CEP95: variants seen among roughly 807,000 people sequenced by gnomAD.
The protein encoded by CEP95 is centrosomal protein of 95 kDa.
In CEP95, 98 loss-of-function variants were observed where a neutral mutation model predicts 111.2. That is an observed-to-expected ratio of 0.88 (90% confidence interval 0.75 to 1.04). CEP95 has a LOEUF of 1.04. Ranked by LOEUF, CEP95 falls within the 50% of genes least tolerant of loss-of-function variation. The pLI, the probability that CEP95 is intolerant of heterozygous loss-of-function variation, is 0.00. For synonymous variants in CEP95, 323 were observed against 327.1 expected, an observed-to-expected ratio of 0.99 and a Z score of 0.14; for missense variants, 1,027 against 977.2, an observed-to-expected ratio of 1.05 and a Z score of -0.68.
At chr17:64,520,248 CATT>C (rs148381468) in intron 6 of CEP95, among the ~76,000 whole-genome samples, 1,906 of 152,110 alleles carry the variant, frequency 0.013, 42 homozygotes, top group African/African-American at 0.043. Context: ...CTTATTTTAA[CATT>C]ATAAGTAGAG....
chr17:64,516,954 A>G (rs538979238), intron 5 of CEP95, 126 bp downstream of exon 5: 4 of 571,644 alleles, frequency 7.0e-6, no homozygotes, highest in Admixed American at 6.5e-5. Context: ...CTAACTTCTC[A>G]TATTTTAAAC....
chr17:64,506,835 C>CT, upstream of CEP95: 1 of 599,744 alleles, frequency 1.7e-6, no homozygotes, highest in Non-Finnish European at 3.0e-6. Context: ...TCTGATAATC[C>CT]TTTGACGGGT....
rs374766116 is a variant in CEP95 at position 64,536,701 on chromosome 17, C to T, written c.2170C>T (p.Arg724Cys). Residue 724 changes from arginine to cysteine, a missense_variant, in exon 18 of 20, where the codon CGC becomes TGC. Physicochemically the swap from Arg to Cys is radical, Grantham distance 180 (BLOSUM62 -3). Coordinates refer to ENST00000556440, the MANE Select transcript of CEP95 (RefSeq NM_138363.3). Reference protein sequence around the residue: ...AKEKRDEQRRRHQDELDSMEN... With the variant: ...AKEKRDEQRRCHQDELDSMEN... ...AGAAAAGCGAGATGAACAAAGGAGA[C>T]GCCACCAGGATGAACTGGACTCCAT... The T allele has an allele frequency of 3.2e-5, 51 of 1,612,766 alleles. No homozygotes were observed. The highest frequency in any genetic ancestry group is 1.7e-4 in the Middle Eastern group (1 of 6,052).
At chr17:64,514,019 C>T (rs1223199935) in intron 3 of CEP95, among the ~76,000 whole-genome samples, 2 of 152,102 alleles carry the variant, frequency 1.3e-5, no homozygotes, top group East Asian at 3.9e-4. Flanking sequence ...TAAAGCTTCC[C>T]CCTTTTTTTC....
In CEP95 at chr17:64,529,530, T is replaced by G. The variant is rs561006194; in HGVS notation, c.1446+103T>G. 305 of 1,210,894 alleles carry G rather than the reference T, an allele frequency of 2.5e-4. No individual in the cohort carries two copies. In the South Asian group the frequency reaches 4.2e-3, roughly 17 times the overall value. 75.0% of individuals were successfully genotyped at this position (1,210,894 alleles called of 1,614,324 possible). On this transcript the variant is annotated intron_variant, in intron 12 of 19. Coordinates refer to ENST00000556440, the MANE Select transcript of CEP95 (RefSeq NM_138363.3). The stretch of plus-strand genomic sequence containing the variant: ...CTGTTGATTTAGGCTTAAAATACAT[T>G]TAATATTCTTGAGCGGAGTGGATGA...
intron 13 of CEP95, 123 bp downstream of exon 13, chr17:64,531,141 C>T: frequency 1.9e-6 from 1 of 520,640 alleles, no homozygotes; most frequent in Non-Finnish European, 3.3e-6. Flanking sequence ...TAGGAAAAGG[C>T]AGGATTTCAT....
Position 64,527,155 on chromosome 17 carries a change from C to A in CEP95, c.1197C>A (p.Asp399Glu), listed in dbSNP as rs1555679272. The A allele has an allele frequency of 6.2e-7, 1 of 1,612,822 alleles. No homozygotes were observed. Among genetic ancestry groups the A allele is most frequent in the Admixed American group, 1.7e-5 (1 of 59,956 alleles). ...GTGATCGGATTAAAGAAAAGACTGA[C>A]CATAAAGAAGAAAATACTGGAAATG... ...ALGDRIKEKT[D>E]HKEENTGNEE... The change falls in exon 11 of 20, where the codon GAC becomes GAA. Residue 399 changes from aspartate (D) to glutamate (E), a missense_variant. Physicochemically the swap from Asp to Glu is conservative, Grantham distance 45. Coordinates refer to ENST00000556440, the MANE Select transcript of CEP95 (RefSeq NM_138363.3).
chr17:64,508,412 A>G (rs1261772091), intron 1 of CEP95, 180 bp from the exon 2 acceptor site: 3 of 983,976 alleles, frequency 3.0e-6, no homozygotes, highest in African/African-American at 1.7e-5. Flanking sequence ...GAAATTAAAT[A>G]CATCTTTTTA....
At chr17:64,528,848 C>T (rs1555679671) in intron 11 of CEP95, among the ~76,000 whole-genome samples, 1 of 152,152 alleles carries the variant, frequency 6.6e-6, no homozygotes. Context: ...AAATTGAGAC[C>T]ACTTAGACAA....
rs1555681140 is a variant in CEP95 at position 64,534,650 on chromosome 17, G to A, written c.1983G>A (p.Gln661=). ...LTQSKIKENR[Q]QIVRARKYYD... The stretch of plus-strand genomic sequence containing the variant: ...AATCAAAGATAAAAGAAAATCGACA[G>A]CAAATCGTTCGTGCTCGAAAATATT... The change falls in exon 17 of 20, where the codon CAG becomes CAA. Residue 661 remains glutamine, a synonymous_variant. Transcript: ENST00000556440. The A allele has an allele frequency of 1.2e-6, 2 of 1,613,824 alleles. No homozygotes were observed. Among genetic ancestry groups the A allele is most frequent in the East Asian group, 4.5e-5 (2 of 44,864 alleles).
intron 4 of CEP95, chr17:64,515,817 C>T (rs2039109648): frequency 6.6e-6 from 1 of 152,180 alleles, no homozygotes; most frequent in African/African-American, 2.4e-5. Flanking sequence ...TTTATTATCA[C>T]TAATCATATC....
At chr17:64,535,587 G>C (rs1968594832) in intron 17 of CEP95, 1 of 152,196 alleles carries the variant, frequency 6.6e-6, no homozygotes, top group Non-Finnish European at 1.5e-5. Flanking sequence ...ATACGACTCA[G>C]AACCACAGTT....
rs1317403063 is a variant in CEP95 at position 64,537,705 on chromosome 17, G to A, written c.2392G>A (p.Glu798Lys). 1.9e-6 allele frequency: 3 copies of A among 1,612,966 alleles called. No homozygotes were observed. The highest frequency in any genetic ancestry group is 2.5e-6 in the Non-Finnish European group (3 of 1,179,522). The change falls in exon 20 of 20, where the codon GAA becomes AAA. Residue 798 changes from glutamate to lysine, a missense_variant. Transcript: ENST00000556440. The part of the protein sequence containing the change: ...TQNDDDVFFR[E>K]LEAERFRSRL... ...GAATGATGATGATGTTTTCTTCCGG[G>A]AACTGGAAGCTGAGCGCTTCAGATC...
intron 3 of CEP95, among the ~76,000 whole-genome samples, chr17:64,510,792 C>G (rs1014212850): frequency 6.6e-6 from 1 of 152,226 alleles, no homozygotes; most frequent in Non-Finnish European, 1.5e-5. Flanking sequence ...CTCAGCTGAT[C>G]CACCTGGCTC....
At chr17:64,507,358 T>C (rs1555673289) in intron 1 of CEP95, 1 of 1,417,308 alleles carries the variant, frequency 7.1e-7, no homozygotes, top group Admixed American at 3.0e-5. Context: ...GGTAGGACAC[T>C]TGGGTCCTGG....
intron 5 of CEP95, among the ~76,000 whole-genome samples, chr17:64,518,303 T>A (rs549997462): frequency 4.1e-4 from 62 of 152,360 alleles, no homozygotes; most frequent in Admixed American, 2.5e-3. Context: ...AAAAACGTGA[T>A]ACTTAATGTT....
chr17:64,532,564 G>A, intron 14 of CEP95: 1 of 1,218,830 alleles, frequency 8.2e-7, no homozygotes, highest in Non-Finnish European at 1.0e-6. Context: ...CGTACGTAGA[G>A]AATCTACCCA....
At chr17:64,533,593 T>A (rs541761917) in intron 16 of CEP95, among the ~76,000 whole-genome samples, 1 of 152,052 alleles carries the variant, frequency 6.6e-6, no homozygotes, top group African/African-American at 2.4e-5. Context: ...GGTGCCAGAG[T>A]GAGACCCTGT....
At chr17:64,517,056 T>C (rs568975992) in intron 5 of CEP95, among the ~76,000 whole-genome samples, 1 of 152,296 alleles carries the variant, frequency 6.6e-6, no homozygotes, top group East Asian at 1.9e-4. Flanking sequence ...TTCTTTTTTT[T>C]TCTTTTTTGA....
Sources: allele counts gnomAD v4.1 joint callset (sites outside exome capture counted in the v4.1 genomes callset), GRCh38; gene constraint gnomAD v4.1.1; transcripts MANE v1.5; gene names NCBI Gene and HGNC (gene_info 2026-07-23, HGNC 2026-07-21).